MYO1D: variants seen among roughly 807,000 people sequenced by gnomAD.
MYO1D encodes the protein unconventional myosin-Id.
In MYO1D, 83 loss-of-function variants were observed where a neutral mutation model predicts 122.0. That is an observed-to-expected ratio of 0.68 (90% CI 0.57 to 0.82). MYO1D has a LOEUF of 0.82. Among genes scored for constraint, MYO1D ranks in the 40% least tolerant of loss-of-function variants. The pLI, the probability that MYO1D is intolerant of heterozygous loss-of-function variation, is 0.00. For missense variants in MYO1D, 1,157 were observed against 1,269.5 expected (o/e 0.91, Z 1.35); for synonymous variants, 464 against 446.9 (o/e 1.04, Z -0.48).
chr17:32,503,115 C>T (rs1909372859), intron 21 of MYO1D, among the ~76,000 whole-genome samples: 1 of 152,186 alleles, frequency 6.6e-6, no homozygotes, highest in South Asian at 2.1e-4. Context: ...TGAGTAAATG[C>T]AAGACTTGAT....
chr17:32,745,859 G>A (rs2089831301), intron 12 of MYO1D, among the ~76,000 whole-genome samples: 1 of 152,180 alleles, frequency 6.6e-6, no homozygotes, highest in South Asian at 2.1e-4. Flanking sequence ...GGTCTTGAAA[G>A]TCCAGCTAAG....
In MYO1D at chr17:32,495,007, C is replaced by A. The variant is rs938397055; in HGVS notation, c.2865-92G>T. On this transcript the variant is annotated intron_variant, in intron 21 of 21. Transcript: ENST00000318217. ...AGCTCCCGGCCACCATTGGCTCCGGCGCAGCCTGCTTCCTCCACAAGTGCC... is the reference window on the plus strand; with the variant it reads ...AGCTCCCGGCCACCATTGGCTCCGGAGCAGCCTGCTTCCTCCACAAGTGCC... 4.1e-5 allele frequency: 58 copies of A among 1,399,222 alleles called. No homozygotes were observed. In the African/African-American group the frequency reaches 7.9e-4, roughly 19 times the overall value. 86.7% of individuals were successfully genotyped at this position (1,399,222 alleles called of 1,614,324 possible).
chr17:32,689,784 T>C (rs1316170527), intron 16 of MYO1D, among the ~76,000 whole-genome samples: 1 of 152,030 alleles, frequency 6.6e-6, no homozygotes, highest in East Asian at 1.9e-4. Context: ...AGCAGCACGA[T>C]CTCAGCTCAC....
chr17:32,767,883 G>A (rs2090074807), intron 6 of MYO1D, 131 bp from the exon 7 acceptor site: 3 of 609,836 alleles, frequency 4.9e-6, no homozygotes, highest in South Asian at 4.1e-5. Context: ...TGAGTCTCCA[G>A]AGAAAATAAA....
intron 20 of MYO1D, among the ~76,000 whole-genome samples, chr17:32,613,642 T>C (rs927972801): frequency 8.6e-5 from 13 of 151,504 alleles, no homozygotes; most frequent in Non-Finnish European, 1.5e-4. Context: ...TGCGTGGTGG[T>C]GCGTGCCTGT....
chr17:32,818,677 C>T (rs2090634666), intron 1 of MYO1D, among the ~76,000 whole-genome samples: 1 of 152,212 alleles, frequency 6.6e-6, no homozygotes, highest in African/African-American at 2.4e-5. Context: ...CCTGGTTCTA[C>T]CACTTGCTAT....
chr17:32,522,043 T>A (rs1378084885), intron 21 of MYO1D, among the ~76,000 whole-genome samples: 1 of 129,252 alleles, frequency 7.7e-6, no homozygotes, highest in East Asian at 2.2e-4. Context: ...GATCATGCCA[T>A]TGCACTCCAG....
chr17:32,747,148 A>G (rs2089846212), intron 12 of MYO1D, among the ~76,000 whole-genome samples: 1 of 152,202 alleles, frequency 6.6e-6, no homozygotes, highest in Non-Finnish European at 1.5e-5. Flanking sequence ...ATTTTGAGCC[A>G]TATTATTTTA....
intron 21 of MYO1D, among the ~76,000 whole-genome samples, chr17:32,560,880 A>C (rs2087118855): frequency 6.7e-6 from 1 of 149,220 alleles, no homozygotes; most frequent in Admixed American, 6.7e-5. Context: ...GGCCTCCCAA[A>C]GTGCGAGGAT....
chr17:32,547,792 C>T (rs1435767777), intron 21 of MYO1D, among the ~76,000 whole-genome samples: 1 of 151,736 alleles, frequency 6.6e-6, no homozygotes, highest in Non-Finnish European at 1.5e-5. Flanking sequence ...ACTAAAAAAC[C>T]TACAAAAATT....
chr17:32,574,618 A>T (rs1318053083), intron 21 of MYO1D, among the ~76,000 whole-genome samples: 1 of 152,264 alleles, frequency 6.6e-6, no homozygotes, highest in Non-Finnish European at 1.5e-5. Flanking sequence ...GGTAAGAAAT[A>T]GTATCTTGCT....
At chr17:32,633,169 T>C (rs534137255) in intron 20 of MYO1D, among the ~76,000 whole-genome samples, 32 of 106,824 alleles carry the variant, frequency 3.0e-4, no homozygotes, top group Non-Finnish European at 7.7e-5. Context: ...TAAGACTAAA[T>C]TTAAAAAAAA....
chr17:32,679,309 G>C lies in MYO1D; in HGVS notation c.2122-19971C>G, dbSNP rs988219335. ...TTGTCTTTTGTTGCCATTGCTTTTGGTGTTTTGTACATGAAGTCCTTGCCC... is the reference window on the plus strand; with the variant it reads ...TTGTCTTTTGTTGCCATTGCTTTTGCTGTTTTGTACATGAAGTCCTTGCCC... On this transcript the variant is annotated intron_variant, in intron 16 of 21. Transcript: ENST00000318217. Among the ~76,000 whole-genome samples, 795 of 151,924 alleles carry C rather than the reference G, an allele frequency of 5.2e-3. 4 individuals are homozygous for C. Among genetic ancestry groups the C allele is most frequent in the African/African-American group, 0.017 (712 of 41,238 alleles).
chr17:32,790,131 T>C (rs980721527), intron 1 of MYO1D, among the ~76,000 whole-genome samples: 3 of 152,210 alleles, frequency 2.0e-5, no homozygotes, highest in Non-Finnish European at 4.4e-5. Context: ...TCAGGTATCT[T>C]CACTGTCACA....
chr17:32,797,873 T>C (rs917868306), intron 1 of MYO1D, among the ~76,000 whole-genome samples: 4 of 152,256 alleles, frequency 2.6e-5, no homozygotes, highest in African/African-American at 9.6e-5. Flanking sequence ...GCATCAACTC[T>C]GTGCCTAGAA....
chr17:32,545,607 A>T (rs1051367765), intron 21 of MYO1D, among the ~76,000 whole-genome samples: 21 of 152,334 alleles, frequency 1.4e-4, no homozygotes, highest in African/African-American at 3.8e-4. Flanking sequence ...GCCTAAGGCT[A>T]CATTGTTCTA....
chr17:32,870,506 C>G (rs769364766), intron 1 of MYO1D, among the ~76,000 whole-genome samples: 22 of 151,040 alleles, frequency 1.5e-4, no homozygotes, highest in Non-Finnish European at 3.2e-4. Context: ...ATGTGTGTGT[C>G]TGTTTCCTGC....
At position 32,783,540 on chromosome 17, in the gene MYO1D, T is replaced by C. The variant is rs569061915; in HGVS notation, c.96-2756A>G. On this transcript the variant is annotated intron_variant, in intron 1 of 21. Coordinates refer to ENST00000318217, the MANE Select transcript of MYO1D (RefSeq NM_015194.3). ...CTCATGTCTTAAGAAAATAATTGAA[T>C]GCATAACTATTAACTCAAAGATAGT... Among the ~76,000 whole-genome samples, 104 of 152,298 alleles carry C rather than the reference T, an allele frequency of 6.8e-4. 1 individual carries two copies. In the South Asian group the frequency reaches 1.0e-2, roughly 15 times the overall value.
intron 14 of MYO1D, among the ~76,000 whole-genome samples, chr17:32,730,408 T>C (rs2089623854): frequency 6.6e-6 from 1 of 152,208 alleles, no homozygotes; most frequent in Non-Finnish European, 1.5e-5. Flanking sequence ...ATCTACGTAT[T>C]TACCAATTCT....
Sources: gnomAD v4.1 joint callset for allele counts (sites outside exome capture counted in the v4.1 genomes callset) on GRCh38, gnomAD v4.1.1 for gene constraint, MANE v1.5 for transcripts, NCBI Gene and HGNC (gene_info 2026-07-23, HGNC 2026-07-21) for gene names.